RBM17: variants seen among roughly 807,000 people sequenced by gnomAD.
The protein encoded by RBM17 is RNA binding motif protein 17.
In RBM17, 7 loss-of-function variants were observed where a neutral mutation model predicts 53.2. That is an observed-to-expected ratio of 0.13 (90% confidence interval 0.07 to 0.25). The LOEUF (loss-of-function observed/expected upper bound fraction) is 0.25. Among genes scored for constraint, RBM17 ranks in the 10% least tolerant of loss-of-function variants. The pLI is 1.00. For synonymous variants in RBM17, 167 were observed against 178.1 expected (o/e 0.94, Z 0.50); for missense variants, 257 against 496.7 (o/e 0.52, Z 4.59).
intron 3 of RBM17, among the ~76,000 whole-genome samples, chr10:6,103,030 G>A (rs1840692503): frequency 2.0e-5 from 3 of 152,162 alleles, no homozygotes; most frequent in Admixed American, 6.5e-5. Context: ...GAGCTCAAAC[G>A]ATCCACATGC....
rs1212267941 is a variant in RBM17, at chr10:6,095,651, G to A, written c.-18-1397G>A. 4.6e-5 allele frequency among the ~76,000 whole-genome samples: 7 copies of A among 152,184 alleles called. No individual in the cohort carries two copies. In the South Asian group the frequency reaches 1.0e-3, roughly 23 times the overall value. On this transcript the variant is annotated intron_variant, in intron 1 of 11. Coordinates refer to ENST00000379888, the MANE Select transcript of RBM17 (RefSeq NM_032905.5). ...ATGGAGAGGTTTTAGTTAATTTGAGGGTTCACGTATGAAGGAATGGAAGAA... is the reference window on the plus strand; with the variant it reads ...ATGGAGAGGTTTTAGTTAATTTGAGAGTTCACGTATGAAGGAATGGAAGAA...
chr10:6,091,859 G>T (rs1482875651), intron 1 of RBM17, among the ~76,000 whole-genome samples: 1 of 135,400 alleles, frequency 7.4e-6, no homozygotes, highest in Admixed American at 7.5e-5. Flanking sequence ...GTTGGGGGGG[G>T]TTAGTTTTAT....
chr10:6,115,644 G>T lies in RBM17; in HGVS notation c.*88G>T. On this transcript the variant is annotated 3_prime_UTR_variant, in exon 12 of 12. Transcript: ENST00000379888. ...GAAGGAAAAAGGTCACAGCCTCCAT[G>T]GCTGTTGCATACCAAGACTCTTGGA... 1 of 801,070 alleles carries T rather than the reference G, an allele frequency of 1.2e-6. No individual in the cohort carries two copies. The highest frequency in any genetic ancestry group is 1.5e-5 in the South Asian group (1 of 67,972). 49.6% of individuals were successfully genotyped at this position (801,070 alleles called of 1,614,324 possible). A position where few individuals can be genotyped will look rare whatever the true frequency, so the allele number is the denominator to read the frequency against.
intron 9 of RBM17, 179 bp from the exon 10 acceptor site, chr10:6,113,870 T>C: frequency 1.7e-6 from 1 of 596,542 alleles, no homozygotes; most frequent in South Asian, 2.1e-5. Context: ...CTTTACAGGC[T>C]TAATATATGT....
At chr10:6,104,900 G>A in intron 3 of RBM17, 31 bp from the exon 4 acceptor site, 1 of 1,599,050 alleles carries the variant, frequency 6.3e-7, no homozygotes, top group Non-Finnish European at 8.6e-7. Context: ...GATATAAAGA[G>A]GATTCTTACT....
rs993982741 is a variant in RBM17 at position 6,112,806 on chromosome 10, T to C, written c.856+445T>C. The C allele has an allele frequency of 4.8e-5, 10 of 206,428 alleles. No homozygotes were observed. The South Asian group carries it at 8.3e-4, about 17-fold the overall frequency. The allele number at this position is 206,428 out of a possible 1,614,324, so 12.8% of individuals were successfully genotyped here. ...AGTATAGATGTGATTTCTGATTCTC[T>C]TACAGATTGTTTGCTTTGCGAGATC... On this transcript the variant is annotated intron_variant, in intron 8 of 11. Transcript: ENST00000379888. The surrounding 1 kb of genome is among the most constrained non-coding windows in gnomAD (Gnocchi z 4.4).
chr10:6,110,015 T>G lies in RBM17; in HGVS notation c.592T>G (p.Ser198Ala). The change falls in exon 7 of 12, where the codon TCA (serine) becomes GCA (alanine). Residue 198 changes from serine to alanine, a missense_variant. Transcript: ENST00000379888. ...CCGAGATTTTCCTTATGAAGAGGAC[T>G]CAAGACCTCGATCACAGTCTTCCAA... ...LPRDFPYEED[S>A]RPRSQSSKAA... The G allele has an allele frequency of 1.2e-6, 2 of 1,612,666 alleles. No homozygotes were observed. Among genetic ancestry groups the G allele is most frequent in the Non-Finnish European group, 1.7e-6 (2 of 1,179,152 alleles).
At chr10:6,109,798 G>C (rs1840810463) in intron 6 of RBM17, among the ~76,000 whole-genome samples, 188 bp from the exon 7 acceptor site, 1 of 152,160 alleles carries the variant, frequency 6.6e-6, no homozygotes, top group South Asian at 2.1e-4. Flanking sequence ...AATCAGGAAA[G>C]TAGCGTCCTC....
At chr10:6,105,791 A>C (rs1420493466) in intron 4 of RBM17, among the ~76,000 whole-genome samples, 2 of 152,200 alleles carry the variant, frequency 1.3e-5, no homozygotes, top group Non-Finnish European at 2.9e-5. Flanking sequence ...TTTCCCATTT[A>C]TTGAATCATT....
intron 5 of RBM17, among the ~76,000 whole-genome samples, chr10:6,107,618 A>G (rs1443318080): frequency 6.7e-6 from 1 of 150,058 alleles, no homozygotes; most frequent in Non-Finnish European, 1.5e-5. Flanking sequence ...AGTAGCTGGG[A>G]TTACAGGTGT....
chr10:6,103,486 A>G (rs907273575), intron 3 of RBM17, among the ~76,000 whole-genome samples: 33 of 152,228 alleles, frequency 2.2e-4, no homozygotes, highest in African/African-American at 7.5e-4. Context: ...TGTGTTAGAT[A>G]AATTGAGTGG....
chr10:6,099,727 C>G lies in RBM17; in HGVS notation c.124-1544C>G, dbSNP rs372381987. Among the ~76,000 whole-genome samples the G allele has an allele frequency of 1.0e-3, 155 of 151,846 alleles. 4 individuals are homozygous for G. The South Asian group carries it at 0.031, about 30-fold the overall frequency. On this transcript the variant is annotated intron_variant, in intron 2 of 11. Transcript: ENST00000379888. ...TGTGGAACCTGTAGATACAGAGGGC[C>G]AACTCTATATTGAATAGAAAATAAT... is the stretch of plus-strand genomic sequence containing the variant.
chr10:6,107,703 A>T (rs1840775017), intron 5 of RBM17, among the ~76,000 whole-genome samples: 1 of 151,916 alleles, frequency 6.6e-6, no homozygotes, highest in Non-Finnish European at 1.5e-5. Flanking sequence ...GCTGGTCTCA[A>T]ACTCCTAGCC....
chr10:6,099,013 C>T (rs1247441784), intron 2 of RBM17, among the ~76,000 whole-genome samples: 1 of 151,604 alleles, frequency 6.6e-6, no homozygotes, highest in African/African-American at 2.4e-5. Flanking sequence ...TTTTGGATGC[C>T]AGTATTTTGT....
intron 1 of RBM17, among the ~76,000 whole-genome samples, chr10:6,092,777 A>G (rs976092390): frequency 7.9e-5 from 12 of 152,378 alleles, no homozygotes; most frequent in Non-Finnish European, 1.0e-4. Context: ...TATAAGCTCA[A>G]TGTTACAGAA....
intron 5 of RBM17, among the ~76,000 whole-genome samples, chr10:6,107,538 G>A (rs1840772598): frequency 7.5e-6 from 1 of 133,458 alleles, no homozygotes; most frequent in Admixed American, 8.5e-5. Flanking sequence ...CTGGAGTGCA[G>A]TGGCGCCATC....
intron 1 of RBM17, 71 bp from the exon 2 acceptor site, chr10:6,096,977 A>G: frequency 6.9e-7 from 1 of 1,443,312 alleles, no homozygotes; most frequent in Non-Finnish European, 9.4e-7. Context: ...AAATTTCATG[A>G]TACTTATTTT....
At chr10:6,097,446 C>G (rs533667024) in intron 2 of RBM17, among the ~76,000 whole-genome samples, 1 of 152,244 alleles carries the variant, frequency 6.6e-6, no homozygotes, top group African/African-American at 2.4e-5. Context: ...CGCCTGTAAT[C>G]CCAGCATTTT....
At chr10:6,091,781 G>A (rs1840490003) in intron 1 of RBM17, among the ~76,000 whole-genome samples, 2 of 151,552 alleles carry the variant, frequency 1.3e-5, no homozygotes, top group African/African-American at 4.9e-5. Flanking sequence ...GGAAGAAACC[G>A]CTGTGTGAAA....
Sources: allele counts gnomAD v4.1 joint callset (sites outside exome capture counted in the v4.1 genomes callset), GRCh38; gene constraint gnomAD v4.1.1; non-coding constraint Gnocchi (gnomAD v3.1); transcripts MANE v1.5; gene names NCBI Gene and HGNC (gene_info 2026-07-23, HGNC 2026-07-21).